Variants in CMSS1 observed in about 807,000 individuals in gnomAD.
CMSS1 encodes the protein protein CMSS1.
In CMSS1, 33 loss-of-function variants were observed where a neutral mutation model predicts 43.5. That is an observed-to-expected ratio of 0.76 (90% CI 0.57 to 1.01). The LOEUF is 1.01. CMSS1 is among the 50% of genes least tolerant of loss of function. The pLI is 0.00. For missense variants in CMSS1, 313 were observed against 326.4 expected (o/e 0.96, Z 0.32); for synonymous variants, 115 against 117.2 (o/e 0.98, Z 0.12).
chr3:99,908,064 A>G (rs1475701661), intron 1 of CMSS1, among the ~76,000 whole-genome samples: 1 of 152,224 alleles, frequency 6.6e-6, no homozygotes, highest in African/African-American at 2.4e-5. Context: ...GGATTTTTAA[A>G]CTGTCCAATT....
At chr3:100,033,565 G>A (rs1401130075) in intron 1 of CMSS1, among the ~76,000 whole-genome samples, 2 of 152,194 alleles carry the variant, frequency 1.3e-5, no homozygotes, top group Non-Finnish European at 2.9e-5. Flanking sequence ...ACCAAATCAT[G>A]TACTGCCCCT....
intron 1 of CMSS1, among the ~76,000 whole-genome samples, chr3:99,888,389 G>C (rs527704902): frequency 3.3e-5 from 5 of 152,120 alleles, no homozygotes; most frequent in South Asian, 2.1e-4. Flanking sequence ...GTGACTGCTA[G>C]AGAATGGTTT....
intron 1 of CMSS1, among the ~76,000 whole-genome samples, chr3:100,075,283 C>T (rs1265814767): frequency 6.6e-6 from 1 of 152,178 alleles, no homozygotes; most frequent in African/African-American, 2.4e-5. Flanking sequence ...CACAAGAGAA[C>T]AATCTAGAGC....
At chr3:100,134,375 C>T (rs561340907) in intron 1 of CMSS1, among the ~76,000 whole-genome samples, 1 of 152,218 alleles carries the variant, frequency 6.6e-6, no homozygotes, top group East Asian at 1.9e-4. Context: ...GTGGTTTGCT[C>T]AGGATCACAA....
chr3:99,946,966 C>T (rs1179995749), intron 1 of CMSS1, among the ~76,000 whole-genome samples: 1 of 151,902 alleles, frequency 6.6e-6, no homozygotes, highest in African/African-American at 2.4e-5. Flanking sequence ...AAAACCCCGC[C>T]TCTACTAAAA....
chr3:100,132,034 A>G lies in CMSS1; in HGVS notation c.65-14939A>G, dbSNP rs556855881. Among the ~76,000 whole-genome samples the G allele has an allele frequency of 1.3e-4, 20 of 152,370 alleles. No individual in the cohort carries two copies. In the South Asian group the frequency reaches 4.1e-3, roughly 32 times the overall value. On this transcript the variant is annotated intron_variant, in intron 1 of 9. Coordinates refer to ENST00000421999, the MANE Select transcript of CMSS1 (RefSeq NM_032359.4). ...ATTTTTCTAAGCATAACTGCAATGA[A>G]AAATGATATATTTGATCTCATAATT...
chr3:99,850,869 T>C, intron 1 of CMSS1: 1 of 1,614,184 alleles, frequency 6.2e-7, no homozygotes, highest in African/African-American at 1.3e-5. Flanking sequence ...TGGTATGTGT[T>C]TCCTTTGCAT....
At chr3:99,929,822 C>A in intron 1 of CMSS1, 1 of 1,526,254 alleles carries the variant, frequency 6.6e-7, no homozygotes, top group Non-Finnish European at 8.8e-7. Flanking sequence ...TGCTTGGCTG[C>A]CTCCCAGGTA....
chr3:100,102,041 T>C (rs2066317000), intron 1 of CMSS1, among the ~76,000 whole-genome samples: 1 of 152,208 alleles, frequency 6.6e-6, no homozygotes, highest in South Asian at 2.1e-4. Context: ...TTGGCTTGGT[T>C]CCAAGTCTTT....
intron 1 of CMSS1, among the ~76,000 whole-genome samples, chr3:100,038,299 A>G (rs1473195000): frequency 3.3e-5 from 5 of 152,198 alleles, no homozygotes; most frequent in African/African-American, 9.7e-5. Context: ...AGAAATAATA[A>G]GAAAAGTAAT....
intron 1 of CMSS1, among the ~76,000 whole-genome samples, chr3:99,921,266 C>G (rs1260148934): frequency 6.6e-6 from 1 of 152,162 alleles, no homozygotes; most frequent in Admixed American, 6.5e-5. Context: ...TGTGTAAGCA[C>G]CTCCTCTGAG....
rs191077271 is a variant in CMSS1, at chr3:100,021,798, C to A, written c.65-125175C>A. Among the ~76,000 whole-genome samples the A allele has an allele frequency of 2.7e-3, 412 of 152,208 alleles. 4 individuals are homozygous for A. The highest frequency in any genetic ancestry group is 9.5e-3 in the African/African-American group (396 of 41,514). The stretch of plus-strand genomic sequence containing the variant: ...AGGAACTTCTAGGTGCTTTAGATAT[C>A]CCCTAAATGATTAAAGAATAGATTA... On this transcript the variant is annotated intron_variant, in intron 1 of 9. Coordinates refer to ENST00000421999, the MANE Select transcript of CMSS1 (RefSeq NM_032359.4).
chr3:100,074,675 A>ATTTTTTTTTTTTTTTTTTTT lies in CMSS1; in HGVS notation c.65-72281_65-72262dup, dbSNP rs555819875. On this transcript the variant is annotated intron_variant, in intron 1 of 9. Transcript: ENST00000421999. ...ATTTTCTATGCATGTGCAACATTTG[A>ATTTTTTTTTTTTTTTTTTTT]TTTTTTTTTTTTTTTTTTTTTTTTT... Among the ~76,000 whole-genome samples, 60 of 34,804 alleles carry ATTTTTTTTTTTTTTTTTTTT rather than the reference A, an allele frequency of 1.7e-3. 21 individuals carry two copies. Among genetic ancestry groups the ATTTTTTTTTTTTTTTTTTTT allele is most frequent in the Non-Finnish European group, 2.2e-3 (44 of 20,250 alleles). 22.8% of individuals were successfully genotyped at this position (34,804 alleles called of 152,430 possible). A position where few individuals can be genotyped will look rare whatever the true frequency, so the allele number is the denominator to read the frequency against.
At chr3:99,849,947 T>C in intron 1 of CMSS1, 1 of 1,613,066 alleles carries the variant, frequency 6.2e-7, no homozygotes, top group Non-Finnish European at 8.5e-7. Context: ...TCATTTCCTT[T>C]CTCTTCTTCC....
intron 1 of CMSS1, among the ~76,000 whole-genome samples, chr3:99,966,222 CA>C (rs1282832552): frequency 6.6e-6 from 1 of 152,122 alleles, no homozygotes; most frequent in Admixed American, 6.5e-5. Flanking sequence ...GGAACCTAAG[CA>C]GGCTGCAGAG....
chr3:99,968,371 T>C (rs1268282846), intron 1 of CMSS1, among the ~76,000 whole-genome samples: 1 of 152,018 alleles, frequency 6.6e-6, no homozygotes, highest in Non-Finnish European at 1.5e-5. Context: ...TGTTTTGCTG[T>C]CTTGTTTACT....
intron 4 of CMSS1, among the ~76,000 whole-genome samples, chr3:100,164,649 G>A (rs778395727): frequency 2.2e-4 from 34 of 152,162 alleles, no homozygotes; most frequent in Non-Finnish European, 2.5e-4. Context: ...GAGAGAACAG[G>A]CCCTGGTCAC....
chr3:99,831,994 G>A (rs1230193393), intron 1 of CMSS1, among the ~76,000 whole-genome samples: 2 of 152,172 alleles, frequency 1.3e-5, no homozygotes, highest in African/African-American at 2.4e-5. Flanking sequence ...GGTGGAGCTC[G>A]TTTCTTTTGA....
chr3:100,013,220 T>TGG (rs2107202048), intron 1 of CMSS1, among the ~76,000 whole-genome samples: 1 of 146,306 alleles, frequency 6.8e-6, no homozygotes, highest in African/African-American at 2.6e-5. Flanking sequence ...TGAGGTGTTG[T>TGG]TGTTGTTGTT....
Sources: allele counts gnomAD v4.1 joint callset (sites outside exome capture counted in the v4.1 genomes callset), GRCh38; gene constraint gnomAD v4.1.1; transcripts MANE v1.5; gene names NCBI Gene and HGNC (gene_info 2026-07-23, HGNC 2026-07-21).